DCBLD2: variants seen among roughly 807,000 people sequenced by gnomAD.
The protein encoded by DCBLD2 is discoidin, CUB and LCCL domain containing 2.
Under a neutral mutation model 86.8 loss-of-function variants are expected in DCBLD2, and 54 were observed. The ratio of observed to expected loss-of-function variants is 0.62; its 90% confidence interval spans 0.50 to 0.78. DCBLD2 has a LOEUF of 0.78. Among genes scored for constraint, DCBLD2 ranks in the 30% least tolerant of loss-of-function variants. The pLI is 0.00. For missense variants in DCBLD2, 908 were observed against 954.2 expected, an observed-to-expected ratio of 0.95 and a Z score of 0.64; for synonymous variants, 354 against 341.3, an observed-to-expected ratio of 1.04 and a Z score of -0.41.
At chr3:98,882,527 CCAT>C (rs781089642) in intron 1 of DCBLD2, among the ~76,000 whole-genome samples, 1 of 152,012 alleles carries the variant, frequency 6.6e-6, no homozygotes, top group Non-Finnish European at 1.5e-5. Context: ...GCCCATCAAC[CCAT>C]CATCTACATT....
At chr3:98,831,802 G>T (rs948958261) in intron 3 of DCBLD2, among the ~76,000 whole-genome samples, 2 of 152,142 alleles carry the variant, frequency 1.3e-5, no homozygotes, top group African/African-American at 4.8e-5. Context: ...ACTGTGGTCT[G>T]AGAGTGTGTC....
At chr3:98,857,835 G>A (rs1174787053) in intron 2 of DCBLD2, among the ~76,000 whole-genome samples, 1 of 152,258 alleles carries the variant, frequency 6.6e-6, no homozygotes. Flanking sequence ...GTGCCGACTG[G>A]TGTATTTACA....
intron 2 of DCBLD2, 95 bp from the exon 3 acceptor site, chr3:98,849,693 C>A: frequency 7.4e-7 from 1 of 1,357,900 alleles, no homozygotes; most frequent in South Asian, 1.4e-5. Flanking sequence ...ATATACCAAG[C>A]TGGCTGTTAA....
At chr3:98,812,242 C>T (rs1941952150) in intron 10 of DCBLD2, 90 bp downstream of exon 10, 1 of 1,484,252 alleles carries the variant, frequency 6.7e-7, no homozygotes, top group Non-Finnish European at 9.1e-7. Context: ...GAAAGACACT[C>T]ACATTATTAA....
At chr3:98,888,166 T>A (rs1477383564) in intron 1 of DCBLD2, among the ~76,000 whole-genome samples, 1 of 152,002 alleles carries the variant, frequency 6.6e-6, no homozygotes, top group African/African-American at 2.4e-5. Flanking sequence ...ATAGCTCATT[T>A]ATTTAATTTT....
At position 98,799,344 on chromosome 3, in the gene DCBLD2, C is replaced by T. The variant is rs764418623; in HGVS notation, c.*28G>A. 11 of 1,551,698 alleles carry T rather than the reference C, an allele frequency of 7.1e-6. No homozygotes were observed. Among genetic ancestry groups the T allele is most frequent in the Admixed American group, 3.9e-5 (2 of 51,318 alleles). On this transcript the variant is annotated 3_prime_UTR_variant, in exon 16 of 16. Transcript: ENST00000326840. ...AAAAAAAAGGCCATGTGCTTTAAAA[C>T]GATGCTTTGTAAAAAGCAGCATCAT...
At chr3:98,810,014 C>G (rs1345074614) in intron 12 of DCBLD2, among the ~76,000 whole-genome samples, 2 of 152,152 alleles carry the variant, frequency 1.3e-5, no homozygotes, top group African/African-American at 4.8e-5. Flanking sequence ...ATACTACCAT[C>G]CCCCTAAAAA....
At chr3:98,807,597 C>T (rs1213021770) in intron 13 of DCBLD2, among the ~76,000 whole-genome samples, 1 of 152,188 alleles carries the variant, frequency 6.6e-6, no homozygotes, top group African/African-American at 2.4e-5. Context: ...TATTTTCTTA[C>T]AGCATCCCAA....
At chr3:98,805,307 A>T (rs1483968650) in intron 13 of DCBLD2, among the ~76,000 whole-genome samples, 1 of 152,218 alleles carries the variant, frequency 6.6e-6, no homozygotes, top group Non-Finnish European at 1.5e-5. Flanking sequence ...AATAAAAAAA[A>T]ATACTGATTA....
Position 98,797,248 on chromosome 3 carries a change from A to G in DCBLD2, c.*2124T>C, listed in dbSNP as rs1257627051. On this transcript the variant is annotated 3_prime_UTR_variant, in exon 16 of 16. Coordinates refer to ENST00000326840, the MANE Select transcript of DCBLD2 (RefSeq NM_080927.4). ...ATATGAATCGAGTCTTAAAATATGC[A>G]TCATTTCAGAAAACACTTGCCCCTC... is the stretch of plus-strand genomic sequence containing the variant. The G allele has an allele frequency of 9.2e-5, 14 of 151,546 alleles. No homozygotes were observed. The highest frequency in any genetic ancestry group is 3.4e-4 in the African/African-American group (14 of 41,252). 9.4% of individuals were successfully genotyped at this position (151,546 alleles called of 1,614,324 possible).
At chr3:98,820,757 G>A (rs1942105115) in intron 6 of DCBLD2, 1 of 112,916 alleles carries the variant, frequency 8.9e-6, no homozygotes. Context: ...GGTACTAATA[G>A]ATTTCTTTTT....
At chr3:98,800,838 G>C in intron 14 of DCBLD2, 122 bp from the exon 15 acceptor site, 2 of 1,370,262 alleles carry the variant, frequency 1.5e-6, no homozygotes, top group Non-Finnish European at 9.9e-7. Context: ...CTACAAACTT[G>C]CCTTTATAAT....
At chr3:98,862,097 C>A (rs962651108) in intron 2 of DCBLD2, among the ~76,000 whole-genome samples, 3 of 152,146 alleles carry the variant, frequency 2.0e-5, no homozygotes, top group African/African-American at 7.2e-5. Context: ...ACAAACACCT[C>A]TACGCAAATA....
intron 1 of DCBLD2, among the ~76,000 whole-genome samples, chr3:98,882,564 C>T (rs1293979691): frequency 2.6e-5 from 4 of 152,138 alleles, no homozygotes; most frequent in African/African-American, 9.7e-5. Flanking sequence ...AATGCTATCC[C>T]TTCCCCAGCC....
At chr3:98,870,742 AAAG>A (rs1943254682) in intron 2 of DCBLD2, among the ~76,000 whole-genome samples, 2 of 51,448 alleles carry the variant, frequency 3.9e-5, no homozygotes, top group African/African-American at 7.4e-5. Flanking sequence ...AAAGAAAAAG[AAAG>A]AAAGAAAGAA....
chr3:98,891,968 G>A (rs1260012207), intron 1 of DCBLD2, among the ~76,000 whole-genome samples: 1 of 152,092 alleles, frequency 6.6e-6, no homozygotes, highest in African/African-American at 2.4e-5. Context: ...AATTTGGTTA[G>A]AAAGGCAATG....
chr3:98,878,351 T>C (rs1459568533), intron 2 of DCBLD2, among the ~76,000 whole-genome samples: 1 of 152,154 alleles, frequency 6.6e-6, no homozygotes, highest in Non-Finnish European at 1.5e-5. Context: ...TGGAATCTAA[T>C]AATGAGGAAG....
Position 98,801,661 on chromosome 3 carries a change from CAGAAG to C in DCBLD2, c.1671-17_1671-13del, listed in dbSNP as rs1941721791. On this transcript the variant is annotated splice_polypyrimidine_tract_variant and intron_variant, in intron 13 of 15. Transcript: ENST00000326840. ...CAGTTTTTTTCTTTCTGGAAAAATA[CAGAAG>C]AGAAGTTAGCAAACAGAGTAAATTC... is the stretch of plus-strand genomic sequence containing the variant. 6.2e-7 allele frequency: 1 copy of C among 1,600,290 alleles called. No homozygotes were observed. Among genetic ancestry groups the C allele is most frequent in the Non-Finnish European group, 8.5e-7 (1 of 1,172,500 alleles).
At position 98,852,960 on chromosome 3, in the gene DCBLD2, A is replaced by G. The variant is rs142202800; in HGVS notation, c.434-3362T>C. ...CTTAATTTCAGCCTGGTGGGACCCC[A>G]AGCAGAGAATTCAGTCATGCCATGC... On this transcript the variant is annotated intron_variant, in intron 2 of 15. Transcript: ENST00000326840. Among the ~76,000 whole-genome samples the G allele has an allele frequency of 7.0e-3, 1,068 of 152,302 alleles. 8 individuals are homozygous for G. Among genetic ancestry groups the G allele is most frequent in the African/African-American group, 0.019 (799 of 41,578 alleles).
Sources: allele counts gnomAD v4.1 joint callset (sites outside exome capture counted in the v4.1 genomes callset), GRCh38; gene constraint gnomAD v4.1.1; transcripts MANE v1.5; gene names NCBI Gene and HGNC (gene_info 2026-07-23, HGNC 2026-07-21).